Variants in STK17B observed in about 807,000 individuals in gnomAD.
STK17B encodes serine/threonine kinase 17b, also known as serine/threonine-protein kinase 17B.
Under a neutral mutation model 42.0 loss-of-function variants are expected in STK17B, and 21 were observed. The observed-to-expected ratio is 0.50, with a 90% CI of 0.35 to 0.72. The LOEUF is 0.72. STK17B is among the 30% of genes least tolerant of loss of function. The pLI is 0.00. For missense variants in STK17B, 349 were observed against 446.0 expected, an observed-to-expected ratio of 0.78 and a Z score of 1.96; for synonymous variants, 143 against 148.4, an observed-to-expected ratio of 0.96 and a Z score of 0.26.
intron 2 of STK17B, among the ~76,000 whole-genome samples, chr2:196,159,016 A>C (rs535250632): frequency 2.0e-5 from 3 of 151,698 alleles, no homozygotes; most frequent in African/African-American, 7.3e-5. Context: ...GTCTCAAAAA[A>C]AAAAAAAACA....
In STK17B at chr2:196,156,624, A is replaced by G; in HGVS notation, c.150T>C (p.Cys50=). The G allele has an allele frequency of 6.2e-7, 1 of 1,613,866 alleles. No individual in the cohort carries two copies. The highest frequency in any genetic ancestry group is 8.5e-7 in the Non-Finnish European group (1 of 1,179,872). The change falls in exon 3 of 8, where the codon TGT becomes TGC. Residue 50 remains cysteine, a synonymous_variant. Transcript: ENST00000263955. ...ATTCTTGGCCAGTAGATTTTGATAT[A>G]CATTGTCTAACCACAGCAAATTTTC... ...GRGKFAVVRQ[C]ISKSTGQEYA...
At chr2:196,147,174 T>A (rs1699588456) in intron 3 of STK17B, among the ~76,000 whole-genome samples, 1 of 152,320 alleles carries the variant, frequency 6.6e-6, no homozygotes, top group African/African-American at 2.4e-5. Context: ...CAGTTATTCA[T>A]CAAATTTGTA....
chr2:196,161,508 A>ATTTTTTTT (rs1283094004), intron 2 of STK17B, among the ~76,000 whole-genome samples: 1 of 89,134 alleles, frequency 1.1e-5, no homozygotes, highest in Non-Finnish European at 2.3e-5. Flanking sequence ...AGATATTATA[A>ATTTTTTTT]TTCTTTTTTT....
At chr2:196,165,105 G>A (rs1301922000) in intron 1 of STK17B, among the ~76,000 whole-genome samples, 2 of 152,154 alleles carry the variant, frequency 1.3e-5, no homozygotes, top group Non-Finnish European at 2.9e-5. Flanking sequence ...CCTAACCCCT[G>A]TATCTCATAA....
intron 6 of STK17B, among the ~76,000 whole-genome samples, chr2:196,140,004 A>C (rs16845500): frequency 0.018 from 2,694 of 152,336 alleles, 68 homozygotes; most frequent in African/African-American, 0.061. Flanking sequence ...AAGGGAATGC[A>C]CGTGTTATAT....
At chr2:196,171,602 C>A (rs965657118), upstream of STK17B, 1 of 152,064 alleles carries the variant, frequency 6.6e-6, no homozygotes, top group African/African-American at 2.4e-5. Context: ...GCGTCTGGGG[C>A]ATCGCCGTTC....
chr2:196,142,059 G>A (rs893060916), intron 5 of STK17B, among the ~76,000 whole-genome samples: 2 of 152,082 alleles, frequency 1.3e-5, no homozygotes, highest in Non-Finnish European at 2.9e-5. Flanking sequence ...GGAAATGCTA[G>A]ATTTTCTTTT....
At chr2:196,148,134 G>A (rs1699609812) in intron 3 of STK17B, among the ~76,000 whole-genome samples, 1 of 152,174 alleles carries the variant, frequency 6.6e-6, no homozygotes, top group South Asian at 2.1e-4. Context: ...CCAAAATAAG[G>A]TATAGAAAGA....
chr2:196,171,570 T>C lies in STK17B; in HGVS notation c.-282A>G, dbSNP rs959148297. On this transcript the variant is annotated 5_prime_UTR_variant, in exon 1 of 8. Coordinates refer to ENST00000263955, the MANE Select transcript of STK17B (RefSeq NM_004226.4). ...CGGAGAGGACTACCGAAGCTTGCAGTCGCGGTTTGAAAACTGCAGCCGCGT... is the reference window on the plus strand; with the variant it reads ...CGGAGAGGACTACCGAAGCTTGCAGCCGCGGTTTGAAAACTGCAGCCGCGT... 2 of 152,204 alleles carry C rather than the reference T, an allele frequency of 1.3e-5. No homozygotes were observed. The highest frequency in any genetic ancestry group is 2.9e-5 in the Non-Finnish European group (2 of 68,042). The allele number at this position is 152,204 out of a possible 1,614,324, so 9.4% of individuals were successfully genotyped here.
At chr2:196,144,985 T>C (rs1699550406) in intron 4 of STK17B, among the ~76,000 whole-genome samples, 3 of 151,940 alleles carry the variant, frequency 2.0e-5, no homozygotes, top group African/African-American at 4.8e-5. Context: ...TGCTATGTAA[T>C]GTACTTGGGT....
intron 1 of STK17B, among the ~76,000 whole-genome samples, chr2:196,166,704 G>A (rs1249858157): frequency 6.6e-6 from 1 of 152,076 alleles, no homozygotes; most frequent in Non-Finnish European, 1.5e-5. Context: ...AGTGAAGGAA[G>A]GAAAAGAAGG....
intron 3 of STK17B, among the ~76,000 whole-genome samples, chr2:196,152,643 A>G (rs1322228348): frequency 3.3e-5 from 5 of 152,232 alleles, no homozygotes; most frequent in African/African-American, 1.2e-4. Context: ...AATAGTCAAA[A>G]AGATGCCTAT....
rs745745273 is a variant in STK17B at position 196,136,595 on chromosome 2, T to C, written c.*852A>G. The C allele has an allele frequency of 3.9e-5, 6 of 152,210 alleles. No homozygotes were observed. The highest frequency in any genetic ancestry group is 5.9e-5 in the Non-Finnish European group (4 of 68,036). The allele number at this position is 152,210 out of a possible 1,614,324, so 9.4% of individuals were successfully genotyped here. A position where few individuals can be genotyped will look rare whatever the true frequency, so the allele number is the denominator to read the frequency against. ...CTGTCTGAGTGTGTCAACATTTTCT[T>C]CTATATTCAATTAATAAATATGTTT... On this transcript the variant is annotated 3_prime_UTR_variant, in exon 8 of 8. Transcript: ENST00000263955.
intron 2 of STK17B, among the ~76,000 whole-genome samples, chr2:196,161,255 C>T (rs1280828902): frequency 3.5e-5 from 5 of 142,636 alleles, no homozygotes; most frequent in Middle Eastern, 7.3e-3. Context: ...TTCTATGGTT[C>T]AATGTGAGAT....
At chr2:196,147,629 T>C (rs1699597125) in intron 3 of STK17B, among the ~76,000 whole-genome samples, 1 of 152,204 alleles carries the variant, frequency 6.6e-6, no homozygotes, top group South Asian at 2.1e-4. Flanking sequence ...AAAAAAACTC[T>C]GTAGGACAGC....
rs533041254 is a variant in STK17B, at chr2:196,137,072, A to T, written c.*375T>A. 5.4e-6 allele frequency: 1 copy of T among 184,000 alleles called. No homozygotes were observed. The highest frequency in any genetic ancestry group is 1.1e-5 in the Non-Finnish European group (1 of 88,264). The allele number at this position is 184,000 out of a possible 1,614,324, so 11.4% of individuals were successfully genotyped here. On this transcript the variant is annotated 3_prime_UTR_variant, in exon 8 of 8. Transcript: ENST00000263955. ...AAGAGTCACCTTAGAGAGAGAACCT[A>T]TTAAATTCCAATGTCTTCACTGTGT...
intron 2 of STK17B, among the ~76,000 whole-genome samples, chr2:196,162,399 T>TTTC (rs372427877): frequency 4.0e-5 from 6 of 150,798 alleles, no homozygotes; most frequent in East Asian, 3.9e-4. Context: ...AATCTCCCTA[T>TTTC]TTCTTCTTCT....
intron 3 of STK17B, 90 bp downstream of exon 3, chr2:196,156,349 G>A: frequency 1.8e-6 from 2 of 1,102,666 alleles, no homozygotes; most frequent in Non-Finnish European, 2.5e-6. Flanking sequence ...ATCTTTACAA[G>A]TTCTTGTCAC....
intron 7 of STK17B, among the ~76,000 whole-genome samples, chr2:196,138,302 C>CA (rs1304938522): frequency 6.6e-6 from 1 of 152,202 alleles, no homozygotes; most frequent in Non-Finnish European, 1.5e-5. Context: ...TAATGCATCT[C>CA]AAGCATTTTT....
Sources: gnomAD v4.1 joint callset for allele counts (sites outside exome capture counted in the v4.1 genomes callset) on GRCh38, gnomAD v4.1.1 for gene constraint, MANE v1.5 for transcripts, NCBI Gene and HGNC (gene_info 2026-07-23, HGNC 2026-07-21) for gene names.